Variants in MAP4K3 observed in about 807,000 individuals in gnomAD.
The protein encoded by MAP4K3 is MAPK/ERK kinase kinase kinase 3.
MAP4K3 carries 94 observed loss-of-function variants against 143.5 expected under a neutral mutation model. The ratio of observed to expected loss-of-function variants is 0.65; its 90% CI spans 0.55 to 0.78. The LOEUF (loss-of-function observed/expected upper bound fraction) is 0.78, where lower values mean the gene tolerates loss of function less well. MAP4K3 is among the 30% of genes least tolerant of loss of function. The probability of loss-of-function intolerance (pLI) is 0.00; values close to 1 mark genes in which losing one functional copy is unlikely to be tolerated. For missense variants in MAP4K3, 1,077 were observed against 1,068.1 expected (o/e 1.01, Z -0.12); for synonymous variants, 416 against 347.2 (o/e 1.20, Z -2.20).
intron 24 of MAP4K3, among the ~76,000 whole-genome samples, chr2:39,273,389 C>T (rs1558614121): frequency 6.6e-6 from 1 of 152,154 alleles, no homozygotes; most frequent in Non-Finnish European, 1.5e-5. Flanking sequence ...CCAAGTAATT[C>T]TGAGGCAGAC....
At chr2:39,379,530 A>G (rs1407253631) in intron 1 of MAP4K3, among the ~76,000 whole-genome samples, 1 of 152,140 alleles carries the variant, frequency 6.6e-6, no homozygotes, top group African/African-American at 2.4e-5. Flanking sequence ...GATGAAATAG[A>G]AATAAAACCA....
chr2:39,347,022 C>T (rs1665312157), intron 3 of MAP4K3, among the ~76,000 whole-genome samples: 1 of 152,016 alleles, frequency 6.6e-6, no homozygotes, highest in South Asian at 2.1e-4. Flanking sequence ...GTCCCTGAGA[C>T]ATTTTCAGAG....
intron 2 of MAP4K3, among the ~76,000 whole-genome samples, chr2:39,375,026 C>A (rs944776743): frequency 6.6e-6 from 1 of 152,022 alleles, no homozygotes; most frequent in Admixed American, 6.6e-5. Flanking sequence ...GTTTGGAAGG[C>A]CGAGGTGAGA....
At position 39,312,797 on chromosome 2, in the gene MAP4K3, T is replaced by C. The variant is rs78132232; in HGVS notation, c.997+2513A>G. Among the ~76,000 whole-genome samples the C allele has an allele frequency of 7.9e-5, 12 of 152,340 alleles. No homozygotes were observed. In the East Asian group the frequency reaches 2.3e-3, roughly 29 times the overall value. ...TATACCTCATCTTGATAAAGGCCTATTGAACAGCTTTCACCTATACTTGTC... is the reference window on the plus strand; with the variant it reads ...TATACCTCATCTTGATAAAGGCCTACTGAACAGCTTTCACCTATACTTGTC... On this transcript the variant is annotated intron_variant, in intron 13 of 33. Transcript: ENST00000263881.
At chr2:39,346,973 T>C (rs1430270654) in intron 3 of MAP4K3, among the ~76,000 whole-genome samples, 9 of 151,888 alleles carry the variant, frequency 5.9e-5, no homozygotes, top group Non-Finnish European at 1.3e-4. Context: ...TCTAAAAGAG[T>C]GAGTGGTTCT....
At chr2:39,265,123 G>GA (rs1379937081) in intron 28 of MAP4K3, 80 bp downstream of exon 28, 14 of 1,005,752 alleles carry the variant, frequency 1.4e-5, no homozygotes, top group Non-Finnish European at 2.0e-5. Flanking sequence ...AAAATTAACT[G>GA]AAAAAAATGT....
chr2:39,393,023 A>G (rs544141393), intron 1 of MAP4K3, among the ~76,000 whole-genome samples: 1 of 152,326 alleles, frequency 6.6e-6, no homozygotes, highest in African/African-American at 2.4e-5. Flanking sequence ...CTCTAAGTAA[A>G]TCTGGACTGT....
chr2:39,323,140 T>C (rs1330054016), intron 12 of MAP4K3, among the ~76,000 whole-genome samples: 2 of 152,318 alleles, frequency 1.3e-5, no homozygotes, highest in East Asian at 3.9e-4. Context: ...TCTAAGCTAC[T>C]GTGAGAGGGA....
chr2:39,349,055 G>A (rs534665663), intron 3 of MAP4K3, among the ~76,000 whole-genome samples: 3 of 152,266 alleles, frequency 2.0e-5, no homozygotes, highest in Middle Eastern at 3.4e-3. Flanking sequence ...TCCTCCCTGG[G>A]AGAGGATGGC....
At chr2:39,289,272 T>C (rs1220240342) in intron 19 of MAP4K3, among the ~76,000 whole-genome samples, 18 of 152,178 alleles carry the variant, frequency 1.2e-4, no homozygotes. Flanking sequence ...AACAAGCAAG[T>C]ACAGCATTAT....
intron 1 of MAP4K3, among the ~76,000 whole-genome samples, chr2:39,387,101 A>G (rs2148591077): frequency 6.6e-6 from 1 of 152,240 alleles, no homozygotes; most frequent in South Asian, 2.1e-4. Context: ...GGTATGAGCC[A>G]CCACCACGCC....
intron 2 of MAP4K3, among the ~76,000 whole-genome samples, chr2:39,375,435 T>A (rs190940129): frequency 3.9e-3 from 590 of 152,120 alleles, no homozygotes; most frequent in Non-Finnish European, 6.3e-3. Context: ...AAATCTGGAC[T>A]GGGGGGGAAC....
chr2:39,405,020 A>T (rs1336954064), intron 1 of MAP4K3, among the ~76,000 whole-genome samples: 1 of 152,176 alleles, frequency 6.6e-6, no homozygotes, highest in Non-Finnish European at 1.5e-5. Context: ...GAAGGACACA[A>T]GCCTGGTTGG....
chr2:39,367,080 T>A (rs1263029245), intron 2 of MAP4K3, among the ~76,000 whole-genome samples: 1 of 152,236 alleles, frequency 6.6e-6, no homozygotes, highest in Admixed American at 6.5e-5. Context: ...ATACTTCACC[T>A]GATAAAAATA....
rs554583268 is a variant in MAP4K3 at position 39,401,655 on chromosome 2, G to C, written c.97-23532C>G. On this transcript the variant is annotated intron_variant, in intron 1 of 33. Transcript: ENST00000263881. ...CTCTACAAGAAAATACAAAAAAAAA[G>C]CCAGGCATGGTGGCCCGTGCCTGTA... Among the ~76,000 whole-genome samples, 8 of 151,996 alleles carry C rather than the reference G, an allele frequency of 5.3e-5. No individual in the cohort carries two copies. The South Asian group carries it at 1.7e-3, about 32-fold the overall frequency.
Position 39,311,226 on chromosome 2 carries a change from C to T in MAP4K3, c.998-1707G>A, listed in dbSNP as rs544497533. On this transcript the variant is annotated intron_variant, in intron 13 of 33. Coordinates refer to ENST00000263881, the MANE Select transcript of MAP4K3 (RefSeq NM_003618.4). ...CTGAGTAGCTGGGCCTACAGGTGCG[C>T]GCCACTATACCTAGCTAAGTTTTTG... is the stretch of plus-strand genomic sequence containing the variant. Among the ~76,000 whole-genome samples, 85 of 152,226 alleles carry T rather than the reference C, an allele frequency of 5.6e-4. No individual in the cohort carries two copies. The South Asian group carries it at 6.9e-3, about 12-fold the overall frequency.
At chr2:39,313,564 T>G (rs761173868) in intron 13 of MAP4K3, among the ~76,000 whole-genome samples, 5 of 152,132 alleles carry the variant, frequency 3.3e-5, no homozygotes, top group Non-Finnish European at 7.4e-5. Flanking sequence ...AAGGCTGCAG[T>G]GCAGTAGCAG....
chr2:39,390,407 T>C (rs1666620829), intron 1 of MAP4K3, among the ~76,000 whole-genome samples: 1 of 151,262 alleles, frequency 6.6e-6, no homozygotes, highest in Admixed American at 6.6e-5. Context: ...CACAGAGTCT[T>C]GGCTTCCACA....
intron 1 of MAP4K3, among the ~76,000 whole-genome samples, chr2:39,379,121 T>C (rs1461657682): frequency 6.6e-6 from 1 of 152,062 alleles, no homozygotes; most frequent in African/African-American, 2.4e-5. Flanking sequence ...CACTCTCTTA[T>C]TAATGGATTG....
Sources: gnomAD v4.1 joint callset for allele counts (sites outside exome capture counted in the v4.1 genomes callset) on GRCh38, gnomAD v4.1.1 for gene constraint, MANE v1.5 for transcripts, NCBI Gene and HGNC (gene_info 2026-07-23, HGNC 2026-07-21) for gene names.